Variants in TULP1 observed in about 807,000 individuals in gnomAD.
TULP1 encodes the protein tubby-related protein 1.
TULP1 carries 50 observed loss-of-function variants against 67.1 expected under a neutral mutation model. The observed-to-expected ratio is 0.75, with a 90% CI of 0.59 to 0.94. The LOEUF is 0.94. Among genes scored for constraint, TULP1 ranks in the 40% least tolerant of loss-of-function variants. The pLI, the probability that TULP1 is intolerant of heterozygous loss-of-function variation, is 0.00. For synonymous variants in TULP1, 297 were observed against 294.0 expected, an observed-to-expected ratio of 1.01 and a Z score of -0.11; for missense variants, 746 against 734.1, an observed-to-expected ratio of 1.02 and a Z score of -0.19.
intron 4 of TULP1, 48 bp downstream of exon 4, chr6:35,511,600 C>G: frequency 6.4e-7 from 1 of 1,570,830 alleles, no homozygotes; most frequent in African/African-American, 1.4e-5. Context: ...CCCCTTCTCT[C>G]CTTAGCTCCA....
Position 35,510,877 on chromosome 6 carries a change from CTTGGCCCT to C in TULP1, c.475_482del (p.Arg159GlyfsTer12). ...AGCACCCACCCCTTGGGCCCTGGGC[CTTGGCCCT>C]CCTCTCCTTCAGGTCTGCGGAGCTC... On this transcript the variant is annotated frameshift_variant, in exon 5 of 15. Transcript: ENST00000229771. LOFTEE classifies it high-confidence loss of function. The C allele has an allele frequency of 6.2e-7, 1 of 1,614,052 alleles. No homozygotes were observed. Among genetic ancestry groups the C allele is most frequent in the Non-Finnish European group, 8.5e-7 (1 of 1,180,046 alleles).
chr6:35,511,743 T>G lies in TULP1; in HGVS notation c.254A>C (p.Gln85Pro). 1 of 1,586,794 alleles carries G rather than the reference T, an allele frequency of 6.3e-7. No individual in the cohort carries two copies. Among genetic ancestry groups the G allele is most frequent in the South Asian group, 1.1e-5 (1 of 86,982 alleles). ...SPDPAQARAP[Q>P]TVYARFLRDP... The stretch of plus-strand genomic sequence containing the variant: ...CCTGAGGAACCTGGCGTAGACCGTC[T>G]GCGGCGCCCGGGCCTGGGCTGGGTC... The change falls in exon 4 of 15, where the codon CAG becomes CCG. Residue 85 changes from glutamine (Q) to proline (P), a missense_variant. Transcript: ENST00000229771.
At chr6:35,508,922 C>T (rs373530190) in intron 8 of TULP1, among the ~76,000 whole-genome samples, 2 of 152,032 alleles carry the variant, frequency 1.3e-5, no homozygotes, top group African/African-American at 4.8e-5. Flanking sequence ...ATGGTGGGGG[C>T]GTGGGGACAT....
In TULP1 at chr6:35,505,868, A is replaced by C; in HGVS notation, c.1000-15T>G. ...AAGAGGAACACCTGGGGAAAAGGGGAGACAGGTGAGAGGATGGGAAGAGAA... is the reference window on the plus strand; with the variant it reads ...AAGAGGAACACCTGGGGAAAAGGGGCGACAGGTGAGAGGATGGGAAGAGAA... On this transcript the variant is annotated splice_polypyrimidine_tract_variant and intron_variant, in intron 10 of 14. Transcript: ENST00000229771. 6.2e-7 allele frequency: 1 copy of C among 1,614,088 alleles called. No homozygotes were observed. Among genetic ancestry groups the C allele is most frequent in the Non-Finnish European group, 8.5e-7 (1 of 1,180,008 alleles).
rs557850858 is a variant in TULP1 at position 35,511,778 on chromosome 6, C to T, written c.219G>A (p.Glu73=). 22 of 1,572,500 alleles carry T rather than the reference C, an allele frequency of 1.4e-5. No individual in the cohort carries two copies. The South Asian group carries it at 2.3e-4, about 17-fold the overall frequency. ...GAGRTGRPRE[E]PSPDPAQARA... is the part of the protein sequence containing the mutation. ...GGGCCTGGGCTGGGTCTGGGGAAGG[C>T]TCCTCCCGCGGCCTCCCCGTCCGCC... The change falls in exon 4 of 15, where the codon GAG becomes GAA. Residue 73 remains glutamate, a synonymous_variant. Coordinates refer to ENST00000229771, the MANE Select transcript of TULP1 (RefSeq NM_003322.6).
Position 35,500,052 on chromosome 6 carries a change from T to C in TULP1, c.1424A>G (p.Tyr475Cys). Residue 475 changes from tyrosine to cysteine, a missense_variant, in exon 14 of 15, where the codon TAC (tyrosine) becomes TGC (cysteine). By Grantham distance (194) the Tyr-to-Cys change is radical. Coordinates refer to ENST00000229771, the MANE Select transcript of TULP1 (RefSeq NM_003322.6). ...GACCCGGCCTTGGAAGTTGAGGGTG[T>C]AGGAGCCACTGTCATCGTTCCAGAC... ...PPVWNDDSGS[Y>C]TLNFQGRVTQ... The C allele has an allele frequency of 6.2e-7, 1 of 1,614,134 alleles. No homozygotes were observed. The highest frequency in any genetic ancestry group is 8.5e-7 in the Non-Finnish European group (1 of 1,180,028).
rs1003644328 is a variant in TULP1 at position 35,508,556 on chromosome 6, C to T, written c.822+653G>A. On this transcript the variant is annotated intron_variant, in intron 8 of 14. Transcript: ENST00000229771. ...ACCTGTTCCTTGAAGACTTTTGTTACTTTCTGTCAGTTGGACCTCCCTCTC... is the reference window on the plus strand; with the variant it reads ...ACCTGTTCCTTGAAGACTTTTGTTATTTTCTGTCAGTTGGACCTCCCTCTC... Among the ~76,000 whole-genome samples the T allele has an allele frequency of 5.9e-4, 90 of 152,196 alleles. 5 individuals are homozygous for T. The highest frequency in any genetic ancestry group is 2.8e-4 in the Non-Finnish European group (19 of 68,036).
intron 13 of TULP1, among the ~76,000 whole-genome samples, chr6:35,501,070 C>G (rs181716462): frequency 6.6e-6 from 1 of 152,110 alleles, no homozygotes; most frequent in Admixed American, 6.5e-5. Flanking sequence ...ATGGGGCATG[C>G]GAGTCACCCA....
Position 35,511,753 on chromosome 6 carries a change from G to A in TULP1, c.244C>T (p.Arg82Trp), listed in dbSNP as rs1307986064. The A allele has an allele frequency of 1.9e-6, 3 of 1,583,842 alleles. No individual in the cohort carries two copies. The highest frequency in any genetic ancestry group is 1.7e-6 in the Non-Finnish European group (2 of 1,165,612). ...CTGGCGTAGACCGTCTGCGGCGCCC[G>A]GGCCTGGGCTGGGTCTGGGGAAGGC... ...EEPSPDPAQARAPQTVYARFL... is the reference protein window; with the variant it reads ...EEPSPDPAQAWAPQTVYARFL... Residue 82 changes from arginine (R) to tryptophan (W), a missense_variant, in exon 4 of 15, where the codon CGG becomes TGG. By Grantham distance (101) the Arg-to-Trp change is moderately radical. Coordinates refer to ENST00000229771, the MANE Select transcript of TULP1 (RefSeq NM_003322.6).
chr6:35,504,089 G>T (rs1277568608), intron 11 of TULP1: 8 of 483,258 alleles, frequency 1.7e-5, no homozygotes, highest in Non-Finnish European at 2.7e-5. Context: ...TCAGAGGAGG[G>T]AGGATCGCTT....
rs1327406882 is a variant in TULP1 at position 35,511,802 on chromosome 6, C to T, written c.195G>A (p.Gly65=). ...TGSKPRKPGA[G]RTGRPREEPS... is the part of the protein sequence containing the mutation. ...GCTCCTCCCGCGGCCTCCCCGTCCG[C>T]CCAGCTGAGCCGAGATGCGGGGTTC... Residue 65 remains glycine (G), a synonymous_variant, in exon 4 of 15, where the codon GGG becomes GGA. Transcript: ENST00000229771. The T allele has an allele frequency of 6.5e-7, 1 of 1,550,042 alleles. No individual in the cohort carries two copies. The highest frequency in any genetic ancestry group is 8.7e-7 in the Non-Finnish European group (1 of 1,146,970).
At position 35,509,295 on chromosome 6, in the gene TULP1, T is replaced by G. The variant is rs1471799826; in HGVS notation, c.736A>C (p.Arg246=). 6.2e-7 allele frequency: 1 copy of G among 1,613,934 alleles called. No homozygotes were observed. Among genetic ancestry groups the G allele is most frequent in the Non-Finnish European group, 8.5e-7 (1 of 1,179,988 alleles). ...LKKKGTPKGA[R]KEEEEEEEAA... ...TCCTCCTCCTCTTCTTCCTCCTTCCTCGCGCCTTTGGGAGTGCCTGAGCGT... is the reference window on the plus strand; with the variant it reads ...TCCTCCTCCTCTTCTTCCTCCTTCCGCGCGCCTTTGGGAGTGCCTGAGCGT... The change falls in exon 8 of 15, where the codon AGG becomes CGG. Residue 246 remains arginine, a synonymous_variant. Coordinates refer to ENST00000229771, the MANE Select transcript of TULP1 (RefSeq NM_003322.6).
chr6:35,509,798 T>TCC, intron 6 of TULP1, 29 bp downstream of exon 6: 4 of 1,613,760 alleles, frequency 2.5e-6, no homozygotes, highest in Non-Finnish European at 3.4e-6. Flanking sequence ...GCAACTGGAG[T>TCC]CCCCTGTTCC....
Position 35,500,101 on chromosome 6 carries a change from T to G in TULP1, c.1375A>C (p.Ile459Leu), listed in dbSNP as rs281865533. The stretch of plus-strand genomic sequence containing the variant: ...ACAGGTGGCTTGTTGTGCAGTTCTA[T>G]GAGGCTCTCCAGCGTCTTGTTCTGC... ...RWQNKTLESL[I>L]ELHNKPPVWN... Residue 459 changes from isoleucine to leucine, a missense_variant, in exon 14 of 15, where the codon ATA (isoleucine) becomes CTA (leucine). This residue lies in a region of TULP1 where 383 missense variants were observed against 374.1 expected (regional missense o/e 1.02). Transcript: ENST00000229771. 1 of 1,614,060 alleles carries G rather than the reference T, an allele frequency of 6.2e-7. No homozygotes were observed. The highest frequency in any genetic ancestry group is 8.5e-7 in the Non-Finnish European group (1 of 1,180,042).
intron 11 of TULP1, among the ~76,000 whole-genome samples, chr6:35,504,645 C>G (rs1256462506): frequency 2.6e-5 from 4 of 151,926 alleles, no homozygotes; most frequent in Non-Finnish European, 5.9e-5. Flanking sequence ...ACTGCAAGCT[C>G]CGCCTCCCGG....
Position 35,506,140 on chromosome 6 carries a change from C to T in TULP1, c.862G>A (p.Val288Met), listed in dbSNP as rs772447949. ...EERAPSPPVE[V>M]DEPREFVLRP... ...AGCACAAACTCCCGGGGTTCGTCCA[C>T]CTCCACGGGGGGAGACGGGGCCCTC... The change falls in exon 10 of 15, where the codon GTG becomes ATG. Residue 288 changes from valine to methionine, a missense_variant. Val to Met is a conservative substitution (Grantham distance 21). Coordinates refer to ENST00000229771, the MANE Select transcript of TULP1 (RefSeq NM_003322.6). 7.4e-6 allele frequency: 12 copies of T among 1,613,688 alleles called. No individual in the cohort carries two copies. The highest frequency in any genetic ancestry group is 1.0e-5 in the Non-Finnish European group (12 of 1,179,944).
Position 35,498,325 on chromosome 6 carries a change from G to C in TULP1, c.*2C>G, listed in dbSNP as rs1768747684. On this transcript the variant is annotated 3_prime_UTR_variant, in exon 15 of 15. Transcript: ENST00000229771. This position sits in a 1 kb window ranked among gnomAD's most constrained non-coding sequence, Gnocchi z 6.7. ...TCTGGGGGCGCTGAGGGGCTGCTGG[G>C]GTCACTCGCAGGCCAGCTTCCCGTC... 1 of 1,612,198 alleles carries C rather than the reference G, an allele frequency of 6.2e-7. No individual in the cohort carries two copies.
In TULP1 at chr6:35,506,085, C is replaced by A; in HGVS notation, c.917G>T (p.Arg306Leu). 6.2e-7 allele frequency: 1 copy of A among 1,613,684 alleles called. No homozygotes were observed. The highest frequency in any genetic ancestry group is 8.5e-7 in the Non-Finnish European group (1 of 1,180,024). The part of the protein sequence containing the change: ...LRPAPQGRTV[R>L]CRLTRDKKGM... ...CTTTTTGTCCCGGGTCAGCCGGCAGCGCACCGTGCGGCCCTGGGGGGCAGG... is the reference window on the plus strand; with the variant it reads ...CTTTTTGTCCCGGGTCAGCCGGCAGAGCACCGTGCGGCCCTGGGGGGCAGG... The change falls in exon 10 of 15, where the codon CGC (arginine) becomes CTC (leucine). Residue 306 changes from arginine (R) to leucine (L), a missense_variant. Arg to Leu is a moderately radical substitution (Grantham distance 102). Transcript: ENST00000229771.
intron 2 of TULP1, 125 bp downstream of exon 2, chr6:35,512,514 C>A: frequency 7.6e-7 from 1 of 1,318,306 alleles, no homozygotes; most frequent in South Asian, 1.3e-5. Flanking sequence ...CCCCCCAGAT[C>A]TCCAGACATG....
Sources: gnomAD v4.1 joint callset for allele counts (sites outside exome capture counted in the v4.1 genomes callset) on GRCh38, gnomAD v4.1.1 for gene constraint, gnomAD v4.1.1 regional missense constraint, Gnocchi (gnomAD v3.1) non-coding constraint, MANE v1.5 for transcripts, NCBI Gene and HGNC (gene_info 2026-07-23, HGNC 2026-07-21) for gene names.